The following NCAPG variants were observed in gnomAD, a reference collection of about 807,000 sequenced individuals.
The protein encoded by NCAPG is condensin complex subunit 3.
Under a neutral mutation model 113.1 loss-of-function variants are expected in NCAPG, and 69 were observed. That is an observed-to-expected ratio of 0.61 (90% CI 0.50 to 0.75). The LOEUF (loss-of-function observed/expected upper bound fraction) is 0.75. Ranked by LOEUF, NCAPG falls within the 30% of genes least tolerant of loss-of-function variation. The pLI is 0.00. For synonymous variants in NCAPG, 370 were observed against 415.8 expected, an observed-to-expected ratio of 0.89 and a Z score of 1.34; for missense variants, 1,058 against 1,177.0, an observed-to-expected ratio of 0.90 and a Z score of 1.48.
rs1189707974 is a variant in NCAPG, at chr4:17,844,591, A to ATGAT, written c.*1169_*1172dup. The stretch of plus-strand genomic sequence containing the variant: ...ATGATAGAAAGTCAGTTAAAAATAG[A>ATGAT]TGATTGTTCTTCATTCTGTTTGTTG... On this transcript the variant is annotated 3_prime_UTR_variant, in exon 21 of 21. Transcript: ENST00000251496. 6.6e-6 allele frequency: 1 copy of ATGAT among 152,420 alleles called. No individual in the cohort carries two copies. Among genetic ancestry groups the ATGAT allele is most frequent in the African/African-American group, 2.4e-5 (1 of 41,438 alleles). 9.4% of individuals were successfully genotyped at this position (152,420 alleles called of 1,614,324 possible).
intron 20 of NCAPG, 133 bp from the exon 21 acceptor site, chr4:17,843,169 A>T: frequency 1.0e-6 from 1 of 953,696 alleles, no homozygotes; most frequent in Non-Finnish European, 1.5e-6. Context: ...TTTTAGTTTT[A>T]AGCTAAGTCA....
At chr4:17,816,743 G>T (rs1384609563) in intron 5 of NCAPG, among the ~76,000 whole-genome samples, 2 of 152,198 alleles carry the variant, frequency 1.3e-5, no homozygotes, top group African/African-American at 4.8e-5. Context: ...ATTTTTGTAG[G>T]CTGTGGTATT....
chr4:17,839,538 A>T, intron 16 of NCAPG, 138 bp from the exon 17 acceptor site: 1 of 538,950 alleles, frequency 1.9e-6, no homozygotes, highest in Non-Finnish European at 3.0e-6. Flanking sequence ...GGTAGGGAGG[A>T]TGTTAAATTT....
intron 7 of NCAPG, 120 bp downstream of exon 7, chr4:17,818,208 T>C: frequency 9.6e-7 from 1 of 1,040,578 alleles, no homozygotes; most frequent in Non-Finnish European, 1.4e-6. Context: ...TTTTTGTACA[T>C]GTAGGGATAG....
intron 7 of NCAPG, among the ~76,000 whole-genome samples, chr4:17,819,581 TA>T (rs1434188432): frequency 1.7e-4 from 26 of 152,150 alleles, no homozygotes; most frequent in Non-Finnish European, 4.4e-5. Flanking sequence ...TTTGTATTTT[TA>T]GTAGAGATGG....
rs2074974 is a variant in NCAPG, at chr4:17,810,992, A to C, written c.-86A>C. On this transcript the variant is annotated 5_prime_UTR_variant, in exon 1 of 21. Coordinates refer to ENST00000251496, the MANE Select transcript of NCAPG (RefSeq NM_022346.5). ...CTCCCTGGGGCTGTCATAGAAGACT[A>C]CTCGGAGAGCGCTGCCTCTGGGTTG... 0.72 allele frequency: 515,727 copies of C among 715,226 alleles called. 187,572 individuals carry two copies. The highest frequency in any genetic ancestry group is 0.85 in the South Asian group (40,688 of 48,032). The allele number at this position is 715,226 out of a possible 1,614,324, so 44.3% of individuals were successfully genotyped here. A position where few individuals can be genotyped will look rare whatever the true frequency, so the allele number is the denominator to read the frequency against.
intron 15 of NCAPG, 105 bp from the exon 16 acceptor site, chr4:17,837,522 A>G: frequency 7.3e-7 from 1 of 1,361,352 alleles, no homozygotes; most frequent in Non-Finnish European, 1.0e-6. Flanking sequence ...CCTAGATGAA[A>G]ATGCACTTAA....
rs189559029 is a variant in NCAPG, at chr4:17,819,551, G to A, written c.1118+1463G>A. Among the ~76,000 whole-genome samples the A allele has an allele frequency of 6.7e-3, 1,025 of 152,070 alleles. 17 individuals carry two copies. The highest frequency in any genetic ancestry group is 0.024 in the African/African-American group (982 of 41,468). ...TGAGTAGCTGGGACTACAGGCACGC[G>A]CCTCCATGCCCAGCTAATTTTTGTA... On this transcript the variant is annotated intron_variant, in intron 7 of 20. Coordinates refer to ENST00000251496, the MANE Select transcript of NCAPG (RefSeq NM_022346.5).
intron 16 of NCAPG, 67 bp from the exon 17 acceptor site, chr4:17,839,609 A>C (rs1339125252): frequency 9.3e-7 from 1 of 1,069,702 alleles, no homozygotes; most frequent in Non-Finnish European, 1.3e-6. Context: ...TATTTGTTAG[A>C]TGTGTAAGAC....
chr4:17,817,847 A>T, intron 6 of NCAPG, 92 bp from the exon 7 acceptor site: 1 of 1,307,202 alleles, frequency 7.6e-7, no homozygotes, highest in Non-Finnish European at 1.0e-6. Context: ...TAGTGGTTTT[A>T]AAGCAAATCT....
rs896532782 is a variant in NCAPG, at chr4:17,844,209, T to C, written c.*784T>C. 6.6e-6 allele frequency: 1 copy of C among 152,336 alleles called. No individual in the cohort carries two copies. The highest frequency in any genetic ancestry group is 2.4e-5 in the African/African-American group (1 of 41,442). The allele number at this position is 152,336 out of a possible 1,614,324, so 9.4% of individuals were successfully genotyped here. ...CTTCTCTTTATATACGCTACCAATT[T>C]ATGAGCACTATTCACTGTCAATTTC... On this transcript the variant is annotated 3_prime_UTR_variant, in exon 21 of 21. Coordinates refer to ENST00000251496, the MANE Select transcript of NCAPG (RefSeq NM_022346.5).
rs561393309 is a variant in NCAPG at position 17,844,701 on chromosome 4, G to A, written c.*1276G>A. 1 of 152,414 alleles carries A rather than the reference G, an allele frequency of 6.6e-6. No homozygotes were observed. Among genetic ancestry groups the A allele is most frequent in the South Asian group, 2.1e-4 (1 of 4,822 alleles). 9.4% of individuals were successfully genotyped at this position (152,414 alleles called of 1,614,324 possible). ...AGGGGGTTGGGAGAAGGACTGAAAA[G>A]GTACATTAAGTGTGCTGTAAGGAAA... is the stretch of plus-strand genomic sequence containing the variant. On this transcript the variant is annotated 3_prime_UTR_variant, in exon 21 of 21. Coordinates refer to ENST00000251496, the MANE Select transcript of NCAPG (RefSeq NM_022346.5).
intron 16 of NCAPG, 31 bp downstream of exon 16, chr4:17,837,832 A>G: frequency 6.2e-7 from 1 of 1,610,810 alleles, no homozygotes; most frequent in South Asian, 1.1e-5. Context: ...CATGCAGATC[A>G]CTGTTTTGGT....
chr4:17,841,668 A>ATTGTT (rs1401047180), intron 19 of NCAPG: 1 of 151,906 alleles, frequency 6.6e-6, no homozygotes, highest in African/African-American at 2.4e-5. Flanking sequence ...ATATATTCAT[A>ATTGTT]TTGTTTTATT....
At chr4:17,823,499 T>C in intron 8 of NCAPG, 148 bp from the exon 9 acceptor site, 1 of 653,194 alleles carries the variant, frequency 1.5e-6, no homozygotes, top group Non-Finnish European at 2.5e-6. Flanking sequence ...ACCTAAAGTC[T>C]GTACATACAG....
In NCAPG at chr4:17,837,719, T is replaced by C. The variant is rs757325044; in HGVS notation, c.2384T>C (p.Ile795Thr). Residue 795 changes from isoleucine to threonine, a missense_variant, in exon 16 of 21, where the codon ATC becomes ACC. Physicochemically the swap from Ile to Thr is moderately conservative, Grantham distance 89 (BLOSUM62 -1). Transcript: ENST00000251496. ...TCTTCTCCTTTAGCTGAAATTGATA[T>C]CACAAATGTTGCTGAGTTACTTGTA... ...PASSPLAEID[I>T]TNVAELLVDL... The C allele has an allele frequency of 8.7e-6, 14 of 1,613,918 alleles. No homozygotes were observed. Among genetic ancestry groups the C allele is most frequent in the Non-Finnish European group, 1.1e-5 (13 of 1,179,932 alleles).
chr4:17,822,870 T>C, intron 7 of NCAPG, 113 bp from the exon 8 acceptor site: 2 of 716,498 alleles, frequency 2.8e-6, no homozygotes, highest in South Asian at 2.5e-5. Context: ...GGCATAGATA[T>C]GTATTTAGAC....
chr4:17,815,353 G>A lies in NCAPG; in HGVS notation c.770G>A (p.Arg257Lys). Residue 257 changes from arginine (R) to lysine (K), a missense_variant, in exon 5 of 21, where the codon AGA becomes AAA. Transcript: ENST00000251496. ...VMLLQQGLND[R>K]SDAVKQAMQK... ...CTCCTTCAACAAGGTCTTAATGACA[G>A]ATCAGGTAAGATAAACAACTTTATA... is the stretch of plus-strand genomic sequence containing the variant. 2 of 1,581,508 alleles carry A rather than the reference G, an allele frequency of 1.3e-6. No individual in the cohort carries two copies. Among genetic ancestry groups the A allele is most frequent in the Non-Finnish European group, 1.7e-6 (2 of 1,170,874 alleles).
At chr4:17,825,297 A>G in intron 10 of NCAPG, 85 bp from the exon 11 acceptor site, 1 of 1,227,560 alleles carries the variant, frequency 8.1e-7, no homozygotes, top group South Asian at 1.6e-5. Flanking sequence ...GGCAGTTGAG[A>G]TATTAAATAA....
Sources: gnomAD v4.1 joint callset for allele counts (sites outside exome capture counted in the v4.1 genomes callset) on GRCh38, gnomAD v4.1.1 for gene constraint, MANE v1.5 for transcripts, NCBI Gene and HGNC (gene_info 2026-07-23, HGNC 2026-07-21) for gene names.